The following PLCB1 variants were observed in gnomAD, a reference collection of about 807,000 sequenced individuals.
PLCB1 encodes the protein phospholipase C beta 1.
A neutral mutation model predicts 161.8 loss-of-function variants in PLCB1; 46 were observed. The ratio of observed to expected loss-of-function variants is 0.28; its 90% CI spans 0.22 to 0.36. PLCB1 has a LOEUF of 0.36. PLCB1 is among the 10% of genes least tolerant of loss of function. The pLI is 1.00. For missense variants in PLCB1, 1,016 were observed against 1,472.5 expected, an observed-to-expected ratio of 0.69 and a Z score of 5.07; for synonymous variants, 517 against 503.7, an observed-to-expected ratio of 1.03 and a Z score of -0.35.
chr20:8,684,940 T>A lies in PLCB1; in HGVS notation c.871T>A (p.Ser291Thr). Residue 291 changes from serine to threonine, a missense_variant, in exon 10 of 32, where the codon TCA becomes ACA. Ser to Thr is a moderately conservative substitution (Grantham distance 58). Transcript: ENST00000338037. The stretch of plus-strand genomic sequence containing the variant: ...AACTTCATTTCCTCCAGGACAAATA[T>A]CAGTGGATGGGTTCATGCGCTATCT... ...NNSLARKGQI[S>T]VDGFMRYLSG... 1.9e-6 allele frequency: 3 copies of A among 1,612,624 alleles called. No individual in the cohort carries two copies. The East Asian group carries it at 6.7e-5, about 36-fold the overall frequency.
chr20:8,761,864 G>T (rs1436633918), intron 25 of PLCB1, among the ~76,000 whole-genome samples: 2 of 150,946 alleles, frequency 1.3e-5, no homozygotes, highest in Admixed American at 1.3e-4. Flanking sequence ...AAAGTTTTGG[G>T]ATTACAGGCG....
At chr20:8,747,442 C>T (rs1455815708) in intron 23 of PLCB1, among the ~76,000 whole-genome samples, 2 of 152,190 alleles carry the variant, frequency 1.3e-5, no homozygotes, top group African/African-American at 4.8e-5. Flanking sequence ...TTCCCAACAT[C>T]GTCTGTTTCA....
intron 1 of PLCB1, among the ~76,000 whole-genome samples, chr20:8,149,280 G>C (rs2123030453): frequency 6.6e-6 from 1 of 152,098 alleles, no homozygotes; most frequent in East Asian, 1.9e-4. Context: ...TCTTTTTTCA[G>C]TTGTGTAAAG....
chr20:8,259,799 T>G (rs954263310), intron 2 of PLCB1, among the ~76,000 whole-genome samples: 1 of 152,214 alleles, frequency 6.6e-6, no homozygotes, highest in African/African-American at 2.4e-5. Flanking sequence ...TCATCAATCT[T>G]AAGTTTTCCT....
At chr20:8,791,938 A>C (rs1983779443) in intron 31 of PLCB1, 1 of 152,234 alleles carries the variant, frequency 6.6e-6, no homozygotes, top group African/African-American at 2.4e-5. Context: ...AATAAGCCCA[A>C]TTAAAACTGG....
chr20:8,137,449 C>A (rs1236731528), intron 1 of PLCB1, among the ~76,000 whole-genome samples: 1 of 152,180 alleles, frequency 6.6e-6, no homozygotes, highest in Non-Finnish European at 1.5e-5. Flanking sequence ...CTAGCAGATG[C>A]CCTCTAAGGA....
rs142833977 is a variant in PLCB1, at chr20:8,441,448, A to C, written c.246+69998A>C. On this transcript the variant is annotated intron_variant, in intron 3 of 31. Coordinates refer to ENST00000338037, the MANE Select transcript of PLCB1 (RefSeq NM_015192.4). The stretch of plus-strand genomic sequence containing the variant: ...GCAGTCAAGAACTTTGACACCTTGC[A>C]ATTTACTAGTTGCAAAGATAATCTG... Among the ~76,000 whole-genome samples, 626 of 152,326 alleles carry C rather than the reference A, an allele frequency of 4.1e-3. 5 individuals carry two copies. The highest frequency in any genetic ancestry group is 0.014 in the African/African-American group (582 of 41,576).
chr20:8,825,094 G>T (rs1370021893), intron 31 of PLCB1, among the ~76,000 whole-genome samples: 1 of 152,124 alleles, frequency 6.6e-6, no homozygotes, highest in African/African-American at 2.4e-5. Context: ...TCATTCACAC[G>T]TTTTTTGAAT....
intron 3 of PLCB1, chr20:8,371,711 A>G (rs1480553406): frequency 2.7e-6 from 1 of 367,394 alleles, no homozygotes; most frequent in Non-Finnish European, 4.9e-6. Context: ...AACAATGCCC[A>G]AGTTACTGGG....
chr20:8,678,482 G>A (rs1297049900), intron 9 of PLCB1, among the ~76,000 whole-genome samples: 4 of 152,230 alleles, frequency 2.6e-5, no homozygotes, highest in African/African-American at 7.2e-5. Flanking sequence ...AAGGAGACAT[G>A]AGGAAGCGTG....
chr20:8,835,411 AT>A (rs972434548), intron 31 of PLCB1, among the ~76,000 whole-genome samples: 6 of 149,876 alleles, frequency 4.0e-5, no homozygotes, highest in East Asian at 3.9e-4. Flanking sequence ...TTTTAAGAGT[AT>A]TTTTTTTTTC....
At chr20:8,760,293 G>T (rs1464699061) in intron 24 of PLCB1, 114 bp from the exon 25 acceptor site, 2 of 605,784 alleles carry the variant, frequency 3.3e-6, no homozygotes, top group South Asian at 2.4e-5. Context: ...CACACAATTT[G>T]TCATTTCTCT....
At chr20:8,826,356 G>T (rs140756173) in intron 31 of PLCB1, among the ~76,000 whole-genome samples, 7 of 151,972 alleles carry the variant, frequency 4.6e-5, no homozygotes, top group Non-Finnish European at 1.0e-4. Flanking sequence ...TTAGGTGGGC[G>T]TGGTGGCAGG....
chr20:8,454,207 T>G (rs1044879856), intron 3 of PLCB1, among the ~76,000 whole-genome samples: 1 of 152,126 alleles, frequency 6.6e-6, no homozygotes, highest in African/African-American at 2.4e-5. Context: ...TAATACAGGC[T>G]CTGAGGCTGA....
At chr20:8,623,232 A>G (rs1007060957) in intron 3 of PLCB1, among the ~76,000 whole-genome samples, 9 of 152,214 alleles carry the variant, frequency 5.9e-5, no homozygotes, top group African/African-American at 2.2e-4. Context: ...TTTTAGCTCC[A>G]TGGGAACTCC....
chr20:8,730,707 G>A (rs1980195822), intron 18 of PLCB1, among the ~76,000 whole-genome samples: 1 of 151,206 alleles, frequency 6.6e-6, no homozygotes, highest in Non-Finnish European at 1.5e-5. Context: ...TTAATTTTTA[G>A]TTTTTCTGTC....
At chr20:8,522,017 C>G (rs1984369069) in intron 3 of PLCB1, among the ~76,000 whole-genome samples, 1 of 152,194 alleles carries the variant, frequency 6.6e-6, no homozygotes, top group African/African-American at 2.4e-5. Context: ...GACACTAAAG[C>G]TGGAAGCTAA....
chr20:8,703,211 G>T (rs1353992000), intron 11 of PLCB1, among the ~76,000 whole-genome samples: 1 of 152,112 alleles, frequency 6.6e-6, no homozygotes, highest in African/African-American at 2.4e-5. Context: ...TACCTCCTAG[G>T]GTGGTTGTAA....
chr20:8,862,034 A>G (rs952863076), intron 31 of PLCB1, among the ~76,000 whole-genome samples: 8 of 152,254 alleles, frequency 5.3e-5, no homozygotes, highest in Non-Finnish European at 1.2e-4. Context: ...ATAGACTGGC[A>G]TTATGTTATT....
Sources: gnomAD v4.1 joint callset for allele counts (sites outside exome capture counted in the v4.1 genomes callset) on GRCh38, gnomAD v4.1.1 for gene constraint, MANE v1.5 for transcripts, NCBI Gene and HGNC (gene_info 2026-07-23, HGNC 2026-07-21) for gene names.